The following UBR4 variants were observed in gnomAD, a reference collection of about 807,000 sequenced individuals.
UBR4 encodes E3 ubiquitin-protein ligase UBR4.
In UBR4, 124 loss-of-function variants were observed where a neutral mutation model predicts 575.6. That is an observed-to-expected ratio of 0.22 (90% CI 0.19 to 0.25). UBR4 has a LOEUF of 0.25. UBR4 is among the 10% of genes least tolerant of loss of function. The probability of loss-of-function intolerance (pLI) is 1.00; values close to 1 mark genes in which losing one functional copy is unlikely to be tolerated. For missense variants in UBR4, 4,818 were observed against 6,478.8 expected, an observed-to-expected ratio of 0.74 and a Z score of 8.80; for synonymous variants, 2,455 against 2,473.7, an observed-to-expected ratio of 0.99 and a Z score of 0.22.
chr1:19,170,652 A>C, intron 26 of UBR4, 110 bp downstream of exon 26: 1 of 1,447,994 alleles, frequency 6.9e-7, no homozygotes, highest in African/African-American at 1.4e-5. Context: ...GATACACAAA[A>C]AGGCTCCAAT....
chr1:19,176,551 A>C (rs2090286423), intron 20 of UBR4, 41 bp downstream of exon 20: 1 of 1,600,702 alleles, frequency 6.2e-7, no homozygotes, highest in Non-Finnish European at 8.5e-7. Flanking sequence ...CACCAATGAG[A>C]ATCAGTAAGT....
intron 91 of UBR4, 66 bp downstream of exon 91, chr1:19,097,127 A>C (rs1401926378): frequency 2.2e-6 from 3 of 1,384,940 alleles, no homozygotes; most frequent in Non-Finnish European, 2.9e-6. Flanking sequence ...AATGCCCCTA[A>C]GTCCTGGGAC....
At chr1:19,165,161 G>A in intron 31 of UBR4, 88 bp downstream of exon 31, 1 of 1,478,810 alleles carries the variant, frequency 6.8e-7, no homozygotes, top group Non-Finnish European at 9.4e-7. Context: ...GCATTTTCAT[G>A]CTGTAGTTAA....
intron 81 of UBR4, among the ~76,000 whole-genome samples, chr1:19,107,807 CACTG>C (rs1398477708): frequency 6.6e-6 from 1 of 151,790 alleles, no homozygotes; most frequent in African/African-American, 2.4e-5. Flanking sequence ...AAAAATAAAA[CACTG>C]AGAAATTCTG....
chr1:19,174,585 T>G (rs2090015272), intron 21 of UBR4, 138 bp from the exon 22 acceptor site: 1 of 1,299,018 alleles, frequency 7.7e-7, no homozygotes, highest in Non-Finnish European at 1.0e-6. Flanking sequence ...TGGAACAGAT[T>G]CCCATTCTGG....
intron 102 of UBR4, among the ~76,000 whole-genome samples, chr1:19,082,407 A>C (rs1351067645): frequency 6.6e-6 from 1 of 152,250 alleles, no homozygotes; most frequent in Admixed American, 6.5e-5. Context: ...TGTGTTCTGA[A>C]GCCAGGTAGC....
chr1:19,206,955 C>T (rs1026728247), intron 1 of UBR4, among the ~76,000 whole-genome samples: 3 of 152,126 alleles, frequency 2.0e-5, no homozygotes, highest in Non-Finnish European at 2.9e-5. Context: ...GTCTCAAGCA[C>T]GTCATCATTC....
At position 19,210,210 on chromosome 1, in the gene UBR4, A is replaced by G. The variant is rs2093252036; in HGVS notation, c.39T>C (p.Ala13=). 1 of 1,454,380 alleles carries G rather than the reference A, an allele frequency of 6.9e-7. No homozygotes were observed. Among genetic ancestry groups the G allele is most frequent in the Non-Finnish European group, 9.0e-7 (1 of 1,107,088 alleles). 90.1% of individuals were successfully genotyped at this position (1,454,380 alleles called of 1,614,324 possible). ...TSGGEEAAAA[A]PAPGTPATGA... ...CCGTTGCCGGGGTCCCCGGCGCCGGAGCCGCTGCCGCCGCCTCTTCGCCGC... is the reference window on the plus strand; with the variant it reads ...CCGTTGCCGGGGTCCCCGGCGCCGGGGCCGCTGCCGCCGCCTCTTCGCCGC... The change falls in exon 1 of 106, where the codon GCT becomes GCC. Residue 13 remains alanine, a synonymous_variant. Transcript: ENST00000375254.
chr1:19,164,937 C>T lies in UBR4; in HGVS notation c.4373G>A (p.Cys1458Tyr). ...GGCCTGCAGGCGCACAGGTTCCACA[C>T]AGGCCAGTTGTGCCAGGGAGCCACA... ...HLCGSLAQLA[C>Y]VEPVRLQAWL... Residue 1458 changes from cysteine to tyrosine, a missense_variant, in exon 32 of 106, where the codon TGT (cysteine) becomes TAT (tyrosine). Physicochemically the swap from Cys to Tyr is radical, Grantham distance 194. Transcript: ENST00000375254. The T allele has an allele frequency of 1.2e-6, 2 of 1,614,146 alleles. No individual in the cohort carries two copies. Among genetic ancestry groups the T allele is most frequent in the Non-Finnish European group, 8.5e-7 (1 of 1,180,020 alleles).
chr1:19,133,234 C>T (rs576444103), intron 60 of UBR4, among the ~76,000 whole-genome samples: 23 of 152,108 alleles, frequency 1.5e-4, no homozygotes, highest in Admixed American at 1.1e-3. Context: ...ACTAAATAGG[C>T]TTAATAATAG....
At position 19,139,251 on chromosome 1, in the gene UBR4, A is replaced by T; in HGVS notation, c.8594-31T>A. 1.9e-6 allele frequency: 3 copies of T among 1,557,896 alleles called. No homozygotes were observed. Among genetic ancestry groups the T allele is most frequent in the Non-Finnish European group, 2.6e-6 (3 of 1,152,742 alleles). ...AGAGTAACGAGAGCTGTTACAGGTT[A>T]AAAAACAAACAAACAAACAAACAAA... is the stretch of plus-strand genomic sequence containing the variant. On this transcript the variant is annotated intron_variant, in intron 58 of 105. Transcript: ENST00000375254. This position sits in a 1 kb window ranked among gnomAD's most constrained non-coding sequence, Gnocchi z 4.2.
chr1:19,126,675 C>G lies in UBR4; in HGVS notation c.9229-20G>C. On this transcript the variant is annotated intron_variant, in intron 63 of 105. Transcript: ENST00000375254. The stretch of plus-strand genomic sequence containing the variant: ...AGATGACTGGGAGACAGAGAAAATA[C>G]AGAGATGGGAAGAATGGCTTGTAAA... 6.2e-7 allele frequency: 1 copy of G among 1,610,690 alleles called. No individual in the cohort carries two copies. The highest frequency in any genetic ancestry group is 8.5e-7 in the Non-Finnish European group (1 of 1,178,310).
chr1:19,121,097 T>G, intron 68 of UBR4, 92 bp downstream of exon 68: 1 of 1,518,678 alleles, frequency 6.6e-7, no homozygotes, highest in Non-Finnish European at 8.8e-7. Context: ...TAAATCAGGA[T>G]TAAAAGACCT....
chr1:19,123,176 G>C lies in UBR4; in HGVS notation c.9589-116C>G. On this transcript the variant is annotated intron_variant, in intron 65 of 105. Transcript: ENST00000375254. ...TTATTAAAAGCTGGGGACAGGCCGG[G>C]CACGGTGGCTCACAGCTGTAATCCC... The C allele has an allele frequency of 1.9e-5, 21 of 1,127,094 alleles. No homozygotes were observed. In the South Asian group the frequency reaches 3.2e-4, roughly 17 times the overall value. 69.8% of individuals were successfully genotyped at this position (1,127,094 alleles called of 1,614,324 possible).
At chr1:19,162,735 CAG>C in intron 34 of UBR4, 124 bp from the exon 35 acceptor site, 1 of 1,219,826 alleles carries the variant, frequency 8.2e-7, no homozygotes, top group Non-Finnish European at 1.1e-6. Flanking sequence ...AGAAGAAAAA[CAG>C]TGTGTTTTTA....
intron 18 of UBR4, 132 bp from the exon 19 acceptor site, chr1:19,177,875 G>C (rs2090443716): frequency 8.8e-7 from 1 of 1,138,994 alleles, no homozygotes; most frequent in South Asian, 1.7e-5. Context: ...AGAAAAAAAG[G>C]CTACATGGTA....
chr1:19,198,577 T>G lies in UBR4; in HGVS notation c.612A>C (p.Arg204Ser). The stretch of plus-strand genomic sequence containing the variant: ...TACTGATAGGTTGTGATGCTACAGT[T>G]CTAGGGTTAAAAACTGAGGTCAGCT... ...LNQLTSVFNP[R>S]TVASQPISTQ... The change falls in exon 5 of 106, where the codon AGA becomes AGC. Residue 204 changes from arginine (R) to serine (S), a missense_variant. Arg to Ser is a moderately radical substitution (Grantham distance 110). This residue lies in a region of UBR4 where 83 missense variants were observed against 77.3 expected (regional missense o/e 1.07). Coordinates refer to ENST00000375254, the MANE Select transcript of UBR4 (RefSeq NM_020765.3). The G allele has an allele frequency of 1.2e-6, 2 of 1,614,152 alleles. No individual in the cohort carries two copies. The highest frequency in any genetic ancestry group is 8.5e-7 in the Non-Finnish European group (1 of 1,180,014).
intron 69 of UBR4, 88 bp from the exon 70 acceptor site, chr1:19,119,789 C>A: frequency 6.7e-7 from 1 of 1,493,220 alleles, no homozygotes; most frequent in South Asian, 1.2e-5. Flanking sequence ...ACCTCAATTT[C>A]CCCACAATTA....
intron 99 of UBR4, among the ~76,000 whole-genome samples, chr1:19,087,480 T>C (rs1359758553): frequency 6.6e-6 from 1 of 152,276 alleles, no homozygotes. Context: ...GGCTCTGCCA[T>C]GTGACCTTTG....
Sources: gnomAD v4.1 joint callset for allele counts (sites outside exome capture counted in the v4.1 genomes callset) on GRCh38, gnomAD v4.1.1 for gene constraint, gnomAD v4.1.1 regional missense constraint, Gnocchi (gnomAD v3.1) non-coding constraint, MANE v1.5 for transcripts, NCBI Gene and HGNC (gene_info 2026-07-23, HGNC 2026-07-21) for gene names.